Variants in IRAK2 observed in about 807,000 individuals in gnomAD.
IRAK2 encodes the protein interleukin 1 receptor associated kinase 2.
In IRAK2, 57 loss-of-function variants were observed where a neutral mutation model predicts 72.0. The observed-to-expected ratio is 0.79, with a 90% CI of 0.64 to 0.99. The LOEUF is 0.99. Among genes scored for constraint, IRAK2 ranks in the 50% least tolerant of loss-of-function variants. The probability of loss-of-function intolerance (pLI) is 0.00; values close to 1 mark genes in which losing one functional copy is unlikely to be tolerated. For missense variants in IRAK2, 790 were observed against 794.4 expected, an observed-to-expected ratio of 0.99 and a Z score of 0.07; for synonymous variants, 293 against 312.7, an observed-to-expected ratio of 0.94 and a Z score of 0.67.
intron 9 of IRAK2, among the ~76,000 whole-genome samples, chr3:10,225,032 A>T (rs1181403310): frequency 6.6e-6 from 1 of 151,868 alleles, no homozygotes; most frequent in Non-Finnish European, 1.5e-5. Flanking sequence ...CCTTCCTGGC[A>T]GGGACCTGTC....
intron 10 of IRAK2, among the ~76,000 whole-genome samples, chr3:10,231,396 A>G (rs996580201): frequency 7.2e-5 from 11 of 151,954 alleles, no homozygotes; most frequent in African/African-American, 2.4e-4. Flanking sequence ...GGTTCAAGCA[A>G]TTCTCCTGCC....
intron 1 of IRAK2, among the ~76,000 whole-genome samples, chr3:10,176,520 C>G (rs1351349634): frequency 2.0e-5 from 3 of 152,018 alleles, no homozygotes; most frequent in African/African-American, 7.2e-5. Context: ...CTCTGTCTCC[C>G]AGGCTGGAGT....
rs1477226497 is a variant in IRAK2 at position 10,183,074 on chromosome 3, A to C, written c.277+5054A>C. Among the ~76,000 whole-genome samples, 3 of 152,190 alleles carry C rather than the reference A, an allele frequency of 2.0e-5. No individual in the cohort carries two copies. The East Asian group carries it at 5.8e-4, about 29-fold the overall frequency. ...GCCGTGAGCCACCGCGCCTGGCTGG[A>C]TGCCCACCACCTCTTAAAGGGTGTT... is the stretch of plus-strand genomic sequence containing the variant. On this transcript the variant is annotated intron_variant, in intron 2 of 12. Coordinates refer to ENST00000256458, the MANE Select transcript of IRAK2 (RefSeq NM_001570.4).
chr3:10,204,165 A>C (rs1252549436), intron 3 of IRAK2, among the ~76,000 whole-genome samples: 3 of 152,246 alleles, frequency 2.0e-5, no homozygotes, highest in Non-Finnish European at 4.4e-5. Context: ...TTTGTGCTCT[A>C]TAAACATCAG....
chr3:10,239,043 A>C lies in IRAK2; in HGVS notation c.1765+4A>C, dbSNP rs1331971613. On this transcript the variant is annotated splice_donor_region_variant and intron_variant, in intron 12 of 12. Coordinates refer to ENST00000256458, the MANE Select transcript of IRAK2 (RefSeq NM_001570.4). ...GGCCTGGAGCCTCCCCAGGATGGTA[A>C]GCCGGAAGTCAGAGTGCATTTGGAT... 6.3e-7 allele frequency: 1 copy of C among 1,582,494 alleles called. No homozygotes were observed. The highest frequency in any genetic ancestry group is 1.1e-5 in the South Asian group (1 of 88,918).
chr3:10,173,290 TCG>T (rs1219890719), intron 1 of IRAK2, among the ~76,000 whole-genome samples: 1 of 150,954 alleles, frequency 6.6e-6, no homozygotes, highest in African/African-American at 2.5e-5. Context: ...CTGCTGACTT[TCG>T]CACATGTTTT....
chr3:10,227,675 G>T (rs202162562), intron 10 of IRAK2, among the ~76,000 whole-genome samples: 13 of 147,400 alleles, frequency 8.8e-5, no homozygotes, highest in South Asian at 2.1e-4. Flanking sequence ...TTTTTTTTTT[G>T]TTTTTGTTTT....
intron 1 of IRAK2, among the ~76,000 whole-genome samples, chr3:10,177,053 G>A (rs182093992): frequency 1.1e-3 from 164 of 151,906 alleles, no homozygotes; most frequent in Admixed American, 3.2e-3. Flanking sequence ...CACCTGCCTC[G>A]GCCTCCCAAA....
At chr3:10,212,971 T>A (rs1234828297) in intron 4 of IRAK2, among the ~76,000 whole-genome samples, 2 of 152,134 alleles carry the variant, frequency 1.3e-5, no homozygotes, top group East Asian at 3.9e-4. Flanking sequence ...GGTTTCACTG[T>A]GTTAGCCAGG....
chr3:10,210,122 T>C (rs1004574336), intron 4 of IRAK2, among the ~76,000 whole-genome samples: 7 of 152,292 alleles, frequency 4.6e-5, no homozygotes, highest in African/African-American at 1.4e-4. Flanking sequence ...GGTCTCACCA[T>C]GTTGGCCAGC....
intron 2 of IRAK2, among the ~76,000 whole-genome samples, chr3:10,184,074 C>A (rs909632427): frequency 6.6e-6 from 1 of 152,214 alleles, no homozygotes; most frequent in East Asian, 1.9e-4. Flanking sequence ...GAGATGGCCC[C>A]TCTGTGCCCC....
At chr3:10,219,909 C>T in intron 8 of IRAK2, 120 bp downstream of exon 8, 2 of 685,852 alleles carry the variant, frequency 2.9e-6, no homozygotes, top group African/African-American at 1.8e-5. Flanking sequence ...TCTCTTCCTA[C>T]CTCCTCTCCT....
chr3:10,165,039 A>T lies in IRAK2; in HGVS notation c.85A>T (p.Met29Leu). The T allele has an allele frequency of 6.2e-7, 1 of 1,610,844 alleles. No individual in the cohort carries two copies. Among genetic ancestry groups the T allele is most frequent in the Non-Finnish European group, 8.5e-7 (1 of 1,179,284 alleles). Residue 29 changes from methionine (M) to leucine (L), a missense_variant, in exon 1 of 13, where the codon ATG becomes TTG. By Grantham distance (15) the Met-to-Leu change is conservative. Transcript: ENST00000256458. Reference sequence around the variant, plus strand: ...GGACGCGCTCAGCGAGTGGGACTGGATGGAGTTCGGTGAGTGCGGCCCGGG... The same window carrying T: ...GGACGCGCTCAGCGAGTGGGACTGGTTGGAGTTCGGTGAGTGCGGCCCGGG... Reference protein sequence around the residue: ...NMDALSEWDWMEFASYVITDL... With the variant: ...NMDALSEWDWLEFASYVITDL...
intron 2 of IRAK2, among the ~76,000 whole-genome samples, chr3:10,193,119 C>A (rs1221520209): frequency 3.3e-5 from 5 of 152,162 alleles, no homozygotes; most frequent in African/African-American, 1.2e-4. Context: ...GATTCATGCT[C>A]ATTAGGAAGA....
chr3:10,223,441 T>A (rs1697726403), intron 9 of IRAK2, among the ~76,000 whole-genome samples: 1 of 152,190 alleles, frequency 6.6e-6, no homozygotes, highest in Admixed American at 6.5e-5. Flanking sequence ...GCTCATGGTC[T>A]GCATGTAGCA....
At chr3:10,230,134 G>GT (rs1246969943) in intron 10 of IRAK2, among the ~76,000 whole-genome samples, 3 of 152,068 alleles carry the variant, frequency 2.0e-5, no homozygotes, top group African/African-American at 7.2e-5. Flanking sequence ...AGACATGTAT[G>GT]TTCTGACAGG....
At chr3:10,239,541 A>G (rs1202914699) in intron 12 of IRAK2, among the ~76,000 whole-genome samples, 4 of 151,958 alleles carry the variant, frequency 2.6e-5, no homozygotes, top group African/African-American at 4.8e-5. Context: ...CCTGGCCAAC[A>G]TGGCGAAACC....
At position 10,191,693 on chromosome 3, in the gene IRAK2, T is replaced by C. The variant is rs376343149; in HGVS notation, c.278-8676T>C. On this transcript the variant is annotated intron_variant, in intron 2 of 12. Coordinates refer to ENST00000256458, the MANE Select transcript of IRAK2 (RefSeq NM_001570.4). ...TTTTCATCCTCTGGGTGTCTGCATA[T>C]GTGGCCCCTTCTCATGGCAGCTTTT... is the stretch of plus-strand genomic sequence containing the variant. Among the ~76,000 whole-genome samples the C allele has an allele frequency of 5.3e-4, 81 of 152,344 alleles. No homozygotes were observed. The East Asian group carries it at 6.6e-3, about 12-fold the overall frequency.
At chr3:10,239,243 C>G (rs1032049411) in intron 12 of IRAK2, among the ~76,000 whole-genome samples, 1 of 152,196 alleles carries the variant, frequency 6.6e-6, no homozygotes, top group Admixed American at 6.5e-5. Context: ...GTTAATCACC[C>G]AGTCCTGTCC....
Sources: allele counts gnomAD v4.1 joint callset (sites outside exome capture counted in the v4.1 genomes callset), GRCh38; gene constraint gnomAD v4.1.1; transcripts MANE v1.5; gene names NCBI Gene and HGNC (gene_info 2026-07-23, HGNC 2026-07-21).